SSH1: variants seen among roughly 807,000 people sequenced by gnomAD.
SSH1 encodes the protein slingshot protein phosphatase 1.
A neutral mutation model predicts 79.7 loss-of-function variants in SSH1; 43 were observed. That is an observed-to-expected ratio of 0.54 (90% CI 0.42 to 0.70). SSH1 has a LOEUF of 0.70. Among genes scored for constraint, SSH1 ranks in the 30% least tolerant of loss-of-function variants. The pLI, the probability that SSH1 is intolerant of heterozygous loss-of-function variation, is 0.00. For missense variants in SSH1, 1,206 were observed against 1,358.8 expected (o/e 0.89, Z 1.77); for synonymous variants, 599 against 538.3 (o/e 1.11, Z -1.56).
At chr12:108,835,141 C>T (rs979250018) in intron 2 of SSH1, among the ~76,000 whole-genome samples, 5 of 152,210 alleles carry the variant, frequency 3.3e-5, no homozygotes, top group Admixed American at 3.3e-4. Flanking sequence ...CTCAGGATCC[C>T]TCTCAGTGCC....
chr12:108,849,029 A>G (rs779299945), intron 2 of SSH1, among the ~76,000 whole-genome samples: 3 of 152,010 alleles, frequency 2.0e-5, no homozygotes, highest in Non-Finnish European at 4.4e-5. Flanking sequence ...CAACAGTACT[A>G]CTAACCTGGT....
chr12:108,856,721 G>A (rs964562832), intron 1 of SSH1, among the ~76,000 whole-genome samples: 4 of 152,186 alleles, frequency 2.6e-5, no homozygotes, highest in African/African-American at 7.2e-5. Flanking sequence ...CCTGTCTCAC[G>A]CTGGCACAGT....
intron 1 of SSH1, among the ~76,000 whole-genome samples, chr12:108,853,926 A>G (rs1303341731): frequency 6.6e-6 from 1 of 151,918 alleles, no homozygotes; most frequent in Non-Finnish European, 1.5e-5. Flanking sequence ...TCGTTTCAAA[A>G]AAAAAAAAAA....
intron 1 of SSH1, among the ~76,000 whole-genome samples, chr12:108,854,800 C>G (rs911471948): frequency 2.6e-5 from 4 of 152,158 alleles, no homozygotes; most frequent in Admixed American, 2.6e-4. Flanking sequence ...GAGCCAGGGC[C>G]CACACACAGG....
chr12:108,840,797 G>A (rs905936070), intron 2 of SSH1, among the ~76,000 whole-genome samples: 2 of 152,160 alleles, frequency 1.3e-5, no homozygotes, highest in Non-Finnish European at 2.9e-5. Flanking sequence ...GGGGGCAGAC[G>A]CGGCAGGCTA....
At position 108,826,048 on chromosome 12, in the gene SSH1, G is replaced by A. The variant is rs151297785; in HGVS notation, c.111-2687C>T. 80 of 429,092 alleles carry A rather than the reference G, an allele frequency of 1.9e-4. No homozygotes were observed. In the Admixed American group the frequency reaches 2.4e-3, roughly 13 times the overall value. The allele number at this position is 429,092 out of a possible 1,614,324, so 26.6% of individuals were successfully genotyped here. A position where few individuals can be genotyped will look rare whatever the true frequency, so the allele number is the denominator to read the frequency against. On this transcript the variant is annotated intron_variant, in intron 2 of 14. Coordinates refer to ENST00000326495, the MANE Select transcript of SSH1 (RefSeq NM_018984.4). ...TCGAAGCAGCTGGGAAAATCTTTTC[G>A]AGACAACATCAACTGCTTTTGTTCA...
At chr12:108,856,586 G>C (rs2137307464) in intron 1 of SSH1, among the ~76,000 whole-genome samples, 1 of 152,330 alleles carries the variant, frequency 6.6e-6, no homozygotes, top group Admixed American at 6.5e-5. Context: ...GTGAAACACA[G>C]CCACACAGAG....
rs2039171077 is a variant in SSH1, at chr12:108,857,571, C to A, written c.-75G>T. 1 of 902,746 alleles carries A rather than the reference C, an allele frequency of 1.1e-6. No homozygotes were observed. The highest frequency in any genetic ancestry group is 1.3e-6 in the Non-Finnish European group (1 of 756,194). The allele number at this position is 902,746 out of a possible 1,614,324, so 55.9% of individuals were successfully genotyped here. ...CACCGCCACCGCCGCCCGGGCCGGG[C>A]CCGGGGCCTCCTGGAGCCGCGCGCG... On this transcript the variant is annotated 5_prime_UTR_variant, in exon 1 of 15. Transcript: ENST00000326495. This position sits in a 1 kb window ranked among gnomAD's most constrained non-coding sequence, Gnocchi z 4.7.
intron 12 of SSH1, among the ~76,000 whole-genome samples, chr12:108,799,695 G>A (rs936315098): frequency 9.2e-5 from 14 of 152,196 alleles, no homozygotes; most frequent in East Asian, 1.9e-4. Context: ...TGGGGAGAGC[G>A]AGATGCTCTT....
intron 13 of SSH1, among the ~76,000 whole-genome samples, chr12:108,796,957 G>A (rs1184186273): frequency 1.3e-5 from 2 of 152,002 alleles, no homozygotes; most frequent in Admixed American, 1.3e-4. Context: ...GGTTAGGCTG[G>A]CCTTGAACTC....
At chr12:108,816,999 C>G (rs774022628) in intron 5 of SSH1, 39 bp downstream of exon 5, 5 of 1,612,400 alleles carry the variant, frequency 3.1e-6, no homozygotes. Flanking sequence ...CAACTCTTGC[C>G]TCCCTCACAG....
chr12:108,816,892 A>G, intron 5 of SSH1, 146 bp downstream of exon 5: 1 of 1,202,424 alleles, frequency 8.3e-7, no homozygotes. Flanking sequence ...GGCACACCCT[A>G]GTGTTCCCAG....
intron 13 of SSH1, among the ~76,000 whole-genome samples, chr12:108,796,275 CACCA>C (rs1271524655): frequency 1.3e-5 from 2 of 152,300 alleles, no homozygotes; most frequent in Admixed American, 1.3e-4. Flanking sequence ...CAACCATCAC[CACCA>C]ACCAGAGAGC....
rs1466374060 is a variant in SSH1 at position 108,811,301 on chromosome 12, G to C, written c.429C>G (p.Leu143=). 6.2e-7 allele frequency: 1 copy of C among 1,614,092 alleles called. No individual in the cohort carries two copies. The highest frequency in any genetic ancestry group is 2.2e-5 in the East Asian group (1 of 44,888). The part of the protein sequence containing the change: ...ESKSCTIGMV[L]RLWSDTKIHL... ...GGATTTTCGTGTCGCTCCACAGTCG[G>C]AGAACCATCCCAATGGTGCAGCTTT... The change falls in exon 6 of 15, where the codon CTC becomes CTG. Residue 143 remains leucine, a synonymous_variant. Coordinates refer to ENST00000326495, the MANE Select transcript of SSH1 (RefSeq NM_018984.4).
In SSH1 at chr12:108,788,427, C is replaced by T. The variant is rs1029514308; in HGVS notation, c.2711G>A (p.Arg904His). Residue 904 changes from arginine (R) to histidine (H), a missense_variant, in exon 15 of 15, where the codon CGC becomes CAC. Transcript: ENST00000326495. ...SLKSPPPFFYRLDHTSSFSKD... is the reference protein window; with the variant it reads ...SLKSPPPFFYHLDHTSSFSKD... ...TGAGAAACTACTGGTGTGGTCCAGG[C>T]GGTAGAAGAAAGGAGGGGGGCTCTT... 49 of 1,589,148 alleles carry T rather than the reference C, an allele frequency of 3.1e-5. No individual in the cohort carries two copies. The highest frequency in any genetic ancestry group is 2.7e-5 in the African/African-American group (2 of 73,882).
At chr12:108,823,790 C>T (rs983273753) in intron 2 of SSH1, among the ~76,000 whole-genome samples, 13 of 152,124 alleles carry the variant, frequency 8.5e-5, no homozygotes, top group Non-Finnish European at 1.8e-4. Context: ...GTCTCAGCCT[C>T]CCCAGAAGCT....
chr12:108,809,853 C>A, intron 6 of SSH1, 95 bp from the exon 7 acceptor site: 1 of 1,038,524 alleles, frequency 9.6e-7, no homozygotes, highest in Non-Finnish European at 1.5e-6. Context: ...CCACTGCGCA[C>A]GCTGGGAACA....
Position 108,799,190 on chromosome 12 carries a change from A to G in SSH1, c.1159T>C (p.Ser387Pro). 6.2e-7 allele frequency: 1 copy of G among 1,613,246 alleles called. No individual in the cohort carries two copies. Among genetic ancestry groups the G allele is most frequent in the Non-Finnish European group, 8.5e-7 (1 of 1,179,558 alleles). Residue 387 changes from serine (S) to proline (P), a missense_variant, in exon 13 of 15, where the codon TCC (serine) becomes CCC (proline). Ser to Pro is a moderately conservative substitution (Grantham distance 74, BLOSUM62 -1). Transcript: ENST00000326495. Reference protein sequence around the residue: ...HFINKAKRNHSKCLVHCKMGV... With the variant: ...HFINKAKRNHPKCLVHCKMGV... ...ATTTTGCAATGCACCAGGCACTTGG[A>G]ATGGTTCCTCCTGCAGGGGTGGGAG...
chr12:108,847,946 C>A (rs1344875189), intron 2 of SSH1, among the ~76,000 whole-genome samples: 3 of 152,168 alleles, frequency 2.0e-5, no homozygotes, highest in African/African-American at 7.2e-5. Context: ...ATATCTGGGG[C>A]AGGCGCACTT....
Sources: gnomAD v4.1 joint callset for allele counts (sites outside exome capture counted in the v4.1 genomes callset) on GRCh38, gnomAD v4.1.1 for gene constraint, Gnocchi (gnomAD v3.1) non-coding constraint, MANE v1.5 for transcripts, NCBI Gene and HGNC (gene_info 2026-07-23, HGNC 2026-07-21) for gene names.